TCERG1L: variants seen among roughly 807,000 people sequenced by gnomAD.
The protein encoded by TCERG1L is transcription elongation regulator 1-like protein.
In TCERG1L, 37 loss-of-function variants were observed where a neutral mutation model predicts 56.3. That is an observed-to-expected ratio of 0.66 (90% CI 0.51 to 0.87). TCERG1L has a LOEUF of 0.87. Among genes scored for constraint, TCERG1L ranks in the 40% least tolerant of loss-of-function variants. The pLI is 0.00. For synonymous variants in TCERG1L, 324 were observed against 326.3 expected (o/e 0.99, Z 0.08); for missense variants, 799 against 774.2 (o/e 1.03, Z -0.38).
At chr10:131,203,901 G>A (rs1589746957) in intron 4 of TCERG1L, among the ~76,000 whole-genome samples, 1 of 152,216 alleles carries the variant, frequency 6.6e-6, no homozygotes, top group Non-Finnish European at 1.5e-5. Flanking sequence ...GGGGAGAGGC[G>A]TGATGTCACA....
chr10:131,199,816 C>T (rs2944474), intron 4 of TCERG1L, among the ~76,000 whole-genome samples: 73,108 of 151,978 alleles, frequency 0.48, 19,116 homozygotes, highest in South Asian at 0.64. Flanking sequence ...AAATCCCACC[C>T]GACAGCTTTG....
chr10:131,283,290 G>T (rs1341119453), intron 3 of TCERG1L, among the ~76,000 whole-genome samples: 1 of 152,200 alleles, frequency 6.6e-6, no homozygotes, highest in Non-Finnish European at 1.5e-5. Flanking sequence ...CTGAGAACCA[G>T]GCAGCAGTGA....
chr10:131,140,438 G>C (rs989783039), intron 7 of TCERG1L, among the ~76,000 whole-genome samples: 2 of 152,204 alleles, frequency 1.3e-5, no homozygotes, highest in African/African-American at 4.8e-5. Context: ...GGAGGATGGG[G>C]CTTGGTAGGT....
intron 3 of TCERG1L, among the ~76,000 whole-genome samples, chr10:131,286,775 A>C (rs1328171488): frequency 6.6e-6 from 1 of 152,186 alleles, no homozygotes; most frequent in Non-Finnish European, 1.5e-5. Flanking sequence ...GCCTCATTGA[A>C]TTATCTATAA....
chr10:131,256,608 G>A (rs1458541664), intron 4 of TCERG1L, among the ~76,000 whole-genome samples: 1 of 152,138 alleles, frequency 6.6e-6, no homozygotes, highest in African/African-American at 2.4e-5. Context: ...CACTTTGGCT[G>A]AGCACAGTGA....
At chr10:131,214,013 C>A (rs1293433039) in intron 4 of TCERG1L, among the ~76,000 whole-genome samples, 1 of 150,272 alleles carries the variant, frequency 6.7e-6, no homozygotes, top group Non-Finnish European at 1.5e-5. Flanking sequence ...TCCAGGGATA[C>A]AAACATGCTT....
chr10:131,261,326 C>G (rs1846235924), intron 3 of TCERG1L, among the ~76,000 whole-genome samples: 1 of 152,232 alleles, frequency 6.6e-6, no homozygotes, highest in Non-Finnish European at 1.5e-5. Context: ...CTCTGGACAG[C>G]AATTTGGAAA....
chr10:131,108,136 C>T lies in TCERG1L; in HGVS notation c.1396-3782G>A, dbSNP rs927829012. On this transcript the variant is annotated intron_variant, in intron 9 of 11. Transcript: ENST00000368642. ...TTCTCTAAGTGGCCGTGGACAAAAC[C>T]GGCTCTCCCTGTTTCTGGCTGGTAC... 6.6e-5 allele frequency among the ~76,000 whole-genome samples: 10 copies of T among 152,288 alleles called. No homozygotes were observed. In the East Asian group the frequency reaches 1.4e-3, roughly 21 times the overall value.
rs1564789826 is a variant in TCERG1L, at chr10:131,093,136, C to CG, written c.*25dup. On this transcript the variant is annotated 3_prime_UTR_variant, in exon 12 of 12. Coordinates refer to ENST00000368642, the MANE Select transcript of TCERG1L (RefSeq NM_174937.4). Reference sequence around the variant, plus strand: ...CCCCGGCACGCCCAGGGTCAACCCCCGGGCTTATTGCATTTTTTCACAAAC... The same window carrying CG: ...CCCCGGCACGCCCAGGGTCAACCCCCGGGGCTTATTGCATTTTTTCACAAAC... 2 of 1,610,116 alleles carry CG rather than the reference C, an allele frequency of 1.2e-6. No homozygotes were observed. Among genetic ancestry groups the CG allele is most frequent in the South Asian group, 1.1e-5 (1 of 90,458 alleles).
At chr10:131,305,429 C>T (rs1178732850) in intron 3 of TCERG1L, among the ~76,000 whole-genome samples, 1 of 152,038 alleles carries the variant, frequency 6.6e-6, no homozygotes, top group East Asian at 1.9e-4. Context: ...TCTTAATCAA[C>T]AGTAAGTGAG....
At chr10:131,269,349 G>A (rs886172431) in intron 3 of TCERG1L, among the ~76,000 whole-genome samples, 1 of 152,074 alleles carries the variant, frequency 6.6e-6, no homozygotes, top group African/African-American at 2.4e-5. Flanking sequence ...ACCATGCCTG[G>A]CTCATTTTTG....
intron 8 of TCERG1L, among the ~76,000 whole-genome samples, chr10:131,127,884 C>A (rs557488137): frequency 3.4e-4 from 52 of 152,192 alleles, no homozygotes; most frequent in Middle Eastern, 6.8e-3. Flanking sequence ...AGCCCACATA[C>A]CACTACCAAG....
At position 131,098,295 on chromosome 10, in the gene TCERG1L, T is replaced by C; in HGVS notation, c.1604+11A>G. ...CCCCAGAAATCATCCGGTATATTTC[T>C]CTCTCCATACCTGGGAGACACTTTA... On this transcript the variant is annotated intron_variant, in intron 11 of 11. Transcript: ENST00000368642. The C allele has an allele frequency of 6.5e-7, 1 of 1,549,482 alleles. No individual in the cohort carries two copies. Among genetic ancestry groups the C allele is most frequent in the East Asian group, 2.4e-5 (1 of 41,004 alleles).
intron 4 of TCERG1L, among the ~76,000 whole-genome samples, chr10:131,229,216 CCTTCTGCTTTGA>C (rs1393234235): frequency 1.3e-5 from 2 of 152,358 alleles, no homozygotes; most frequent in East Asian, 3.9e-4. Flanking sequence ...CGGAGTCTCC[CCTTCTGCTTTGA>C]CTCTGGGCCG....
chr10:131,203,640 T>C (rs1221394886), intron 4 of TCERG1L, among the ~76,000 whole-genome samples: 1 of 152,228 alleles, frequency 6.6e-6, no homozygotes, highest in African/African-American at 2.4e-5. Flanking sequence ...CATCTGCTTC[T>C]GGTTTGTGGC....
intron 3 of TCERG1L, among the ~76,000 whole-genome samples, chr10:131,265,193 G>A (rs533823918): frequency 2.1e-4 from 32 of 152,304 alleles, no homozygotes; most frequent in African/African-American, 7.5e-4. Context: ...GTATATGGAA[G>A]TGAGAAAATG....
chr10:131,230,671 T>C (rs915730297), intron 4 of TCERG1L, among the ~76,000 whole-genome samples: 1 of 152,146 alleles, frequency 6.6e-6, no homozygotes, highest in Non-Finnish European at 1.5e-5. Context: ...CACTACTCCA[T>C]GTGTGACCAA....
At chr10:131,104,390 T>C (rs182093528) in intron 9 of TCERG1L, 36 bp from the exon 10 acceptor site, 11 of 1,429,430 alleles carry the variant, frequency 7.7e-6, no homozygotes, top group East Asian at 7.4e-5. Context: ...GCTGTTAGCG[T>C]CTAATGCTAA....
chr10:131,219,551 T>A (rs780137957), intron 4 of TCERG1L, among the ~76,000 whole-genome samples: 1 of 152,160 alleles, frequency 6.6e-6, no homozygotes, highest in Non-Finnish European at 1.5e-5. Flanking sequence ...CAAAGGCCAC[T>A]CTGCAGTCCA....
Sources: gnomAD v4.1 joint callset for allele counts (sites outside exome capture counted in the v4.1 genomes callset) on GRCh38, gnomAD v4.1.1 for gene constraint, MANE v1.5 for transcripts, NCBI Gene and HGNC (gene_info 2026-07-23, HGNC 2026-07-21) for gene names.